The following SLC8B1 variants were observed in gnomAD, a reference collection of about 807,000 sequenced individuals.
The protein encoded by SLC8B1 is solute carrier family 8 member B1.
In SLC8B1, 52 loss-of-function variants were observed where a neutral mutation model predicts 63.4. The ratio of observed to expected loss-of-function variants is 0.82; its 90% CI spans 0.66 to 1.03. The LOEUF is 1.03. Among genes scored for constraint, SLC8B1 ranks in the 50% least tolerant of loss-of-function variants. The probability of loss-of-function intolerance (pLI) is 0.00; values close to 1 mark genes in which losing one functional copy is unlikely to be tolerated. For synonymous variants in SLC8B1, 336 were observed against 323.9 expected (o/e 1.04, Z -0.40); for missense variants, 657 against 741.7 (o/e 0.89, Z 1.33).
chr12:113,326,112 T>G (rs375635659), intron 2 of SLC8B1, among the ~76,000 whole-genome samples: 2 of 152,210 alleles, frequency 1.3e-5, no homozygotes, highest in East Asian at 3.8e-4. Context: ...GAATGATTCT[T>G]ACATTTTTAA....
chr12:113,326,407 G>A (rs1956997931), intron 2 of SLC8B1, among the ~76,000 whole-genome samples: 1 of 152,062 alleles, frequency 6.6e-6, no homozygotes, highest in Admixed American at 6.6e-5. Context: ...TTACTCTGTT[G>A]CCCAGGCTGA....
At chr12:113,314,474 T>G (rs1956807716) in intron 11 of SLC8B1, among the ~76,000 whole-genome samples, 1 of 152,314 alleles carries the variant, frequency 6.6e-6, no homozygotes, top group East Asian at 1.9e-4. Flanking sequence ...GGAAGAAATC[T>G]GGGTAGCAGA....
At chr12:113,307,596 G>A in intron 13 of SLC8B1, 95 bp downstream of exon 13, 1 of 1,455,304 alleles carries the variant, frequency 6.9e-7, no homozygotes, top group Non-Finnish European at 9.3e-7. Flanking sequence ...AGACACCCTG[G>A]ACACTCCTGC....
intron 2 of SLC8B1, among the ~76,000 whole-genome samples, chr12:113,330,732 C>T (rs1957045065): frequency 6.6e-6 from 1 of 152,050 alleles, no homozygotes; most frequent in Non-Finnish European, 1.5e-5. Flanking sequence ...GCCTGTTTCA[C>T]AGGGTGGACT....
chr12:113,307,984 T>C (rs1029803414), intron 12 of SLC8B1, 140 bp from the exon 13 acceptor site: 20 of 969,892 alleles, frequency 2.1e-5, no homozygotes, highest in Non-Finnish European at 2.8e-5. Context: ...ACTATATGCA[T>C]TGGTGCCTGT....
rs564051454 is a variant in SLC8B1 at position 113,304,378 on chromosome 12, G to T, written c.1500C>A (p.Leu500=). Residue 500 remains leucine (L), a synonymous_variant, in exon 15 of 16, where the codon CTC becomes CTA. Transcript: ENST00000680972. ...GCAGGCAGCCCAGCCCCACACCCAC[G>T]AGGATGTCTGCAGCCCAGCTCAGGA... is the stretch of plus-strand genomic sequence containing the variant. ...ACFGGIIFNI[L]VGVGLGCLLQ... 6.2e-7 allele frequency: 1 copy of T among 1,613,886 alleles called. No homozygotes were observed.
At position 113,307,685 on chromosome 12, in the gene SLC8B1, A is replaced by G. The variant is rs374007875; in HGVS notation, c.1411+6T>C. The G allele has an allele frequency of 6.2e-6, 10 of 1,612,092 alleles. No homozygotes were observed. The highest frequency in any genetic ancestry group is 2.2e-5 in the South Asian group (2 of 90,852). Reference sequence around the variant, plus strand: ...CCCCACTCAACCCCACCCAGCCCTGAGTCACCTCCAATGCTGTTCCCCCAG... The same window carrying G: ...CCCCACTCAACCCCACCCAGCCCTGGGTCACCTCCAATGCTGTTCCCCCAG... On this transcript the variant is annotated splice_donor_region_variant and intron_variant, in intron 13 of 15. Coordinates refer to ENST00000680972, the MANE Select transcript of SLC8B1 (RefSeq NM_001358345.2).
At chr12:113,329,525 G>A (rs1366887712) in intron 2 of SLC8B1, among the ~76,000 whole-genome samples, 1 of 152,090 alleles carries the variant, frequency 6.6e-6, no homozygotes, top group East Asian at 1.9e-4. Flanking sequence ...TGTGCAGTCT[G>A]TCTCGCTCTG....
chr12:113,309,542 C>T (rs1056646430), intron 12 of SLC8B1, among the ~76,000 whole-genome samples: 1 of 152,138 alleles, frequency 6.6e-6, no homozygotes, highest in African/African-American at 2.4e-5. Context: ...TTGCTTGAGG[C>T]CAGGAGTTTG....
chr12:113,320,631 A>T lies in SLC8B1; in HGVS notation c.476T>A (p.Val159Glu), dbSNP rs1467457315. The stretch of plus-strand genomic sequence containing the variant: ...GGCTGTGTGCGGGTCAGAGAAGGCC[A>T]CCAGGGCACTGAAGATGTCAGGTGC... ...NGAPDIFSALVAFSDPHTAGL... is the reference protein window; with the variant it reads ...NGAPDIFSALEAFSDPHTAGL... The change falls in exon 6 of 16, where the codon GTG becomes GAG. Residue 159 changes from valine (V) to glutamate (E), a missense_variant. By Grantham distance (121) the Val-to-Glu change is moderately radical. Transcript: ENST00000680972. The surrounding 1 kb of genome is among the most constrained non-coding windows in gnomAD (Gnocchi z 5.3). The T allele has an allele frequency of 6.2e-7, 1 of 1,614,138 alleles. No individual in the cohort carries two copies. Among genetic ancestry groups the T allele is most frequent in the South Asian group, 1.1e-5 (1 of 91,088 alleles).
intron 15 of SLC8B1, chr12:113,302,007 G>A (rs1033198238): frequency 6.6e-6 from 1 of 152,204 alleles, no homozygotes. Flanking sequence ...GGAGCTGACA[G>A]CAACTCCCGT....
At chr12:113,330,875 G>T (rs1435431719) in intron 2 of SLC8B1, among the ~76,000 whole-genome samples, 1 of 152,124 alleles carries the variant, frequency 6.6e-6, no homozygotes, top group African/African-American at 2.4e-5. Flanking sequence ...ACTCCAGGGG[G>T]TCATCTTGAG....
At chr12:113,313,447 A>G (rs1435782465) in intron 11 of SLC8B1, among the ~76,000 whole-genome samples, 1 of 152,124 alleles carries the variant, frequency 6.6e-6, no homozygotes, top group Non-Finnish European at 1.5e-5. Flanking sequence ...TTTAAGAAAA[A>G]TATCAAATGT....
intron 2 of SLC8B1, among the ~76,000 whole-genome samples, chr12:113,326,028 G>A (rs1313056866): frequency 6.6e-6 from 1 of 152,208 alleles, no homozygotes; most frequent in Non-Finnish European, 1.5e-5. Context: ...ATATGGGTAA[G>A]CCAAGGGTCA....
chr12:113,319,258 C>T, intron 7 of SLC8B1, 187 bp from the exon 8 acceptor site: 1 of 565,344 alleles, frequency 1.8e-6, no homozygotes, highest in Non-Finnish European at 3.2e-6. Context: ...GGACCATCTC[C>T]CTTCCTGTCT....
Position 113,315,452 on chromosome 12 carries a change from G to A in SLC8B1, c.1018C>T (p.Leu340Phe). 1 of 1,600,978 alleles carries A rather than the reference G, an allele frequency of 6.2e-7. No individual in the cohort carries two copies. Among genetic ancestry groups the A allele is most frequent in the Non-Finnish European group, 8.5e-7 (1 of 1,174,370 alleles). Residue 340 changes from leucine (L) to phenylalanine (F), a missense_variant, in exon 11 of 16, where the codon CTC becomes TTC. By Grantham distance (22) the Leu-to-Phe change is conservative. Coordinates refer to ENST00000680972, the MANE Select transcript of SLC8B1 (RefSeq NM_001358345.2). ...FKLPVEFLLL[L>F]TVPVVDPDKD... ...TCCGGGTCCACGACGGGGACTGTGA[G>A]GAGCAGCAGGAACTCCACAGGCAGC...
At chr12:113,306,066 C>CAAAAAA (rs60824560) in intron 14 of SLC8B1, among the ~76,000 whole-genome samples, 5 of 18,090 alleles carry the variant, frequency 2.8e-4, no homozygotes, top group African/African-American at 5.9e-4. Context: ...CCCCACCCTG[C>CAAAAAA]AAAAAAAAAA....
At chr12:113,310,203 C>A in intron 12 of SLC8B1, 31 bp downstream of exon 12, 1 of 1,607,648 alleles carries the variant, frequency 6.2e-7, no homozygotes, top group East Asian at 2.2e-5. Flanking sequence ...GCATCCCTCC[C>A]CCCCCATCTC....
chr12:113,324,308 C>G (rs1956967523), intron 2 of SLC8B1, among the ~76,000 whole-genome samples: 2 of 144,866 alleles, frequency 1.4e-5, no homozygotes, highest in Admixed American at 1.4e-4. Flanking sequence ...GCAAGCCTGT[C>G]TCAAAAAAAA....
Sources: allele counts gnomAD v4.1 joint callset (sites outside exome capture counted in the v4.1 genomes callset), GRCh38; gene constraint gnomAD v4.1.1; non-coding constraint Gnocchi (gnomAD v3.1); transcripts MANE v1.5; gene names NCBI Gene and HGNC (gene_info 2026-07-23, HGNC 2026-07-21).